GSG1L2: variants seen among roughly 807,000 people sequenced by gnomAD.
GSG1L2 encodes GSG1 like 2.
In GSG1L2, 15 loss-of-function variants were observed where a neutral mutation model predicts 9.0. The observed-to-expected ratio is 1.67, with a 90% CI of 1.12 to 2.57. The LOEUF (loss-of-function observed/expected upper bound fraction) is 2.57, where lower values mean the gene tolerates loss of function less well. Ranked by LOEUF, GSG1L2 falls within the 30% of genes most tolerant of loss-of-function variation. The pLI is 0.00. For missense variants in GSG1L2, 286 were observed against 150.3 expected (o/e 1.90, Z -4.72); for synonymous variants, 127 against 57.9 (o/e 2.19, Z -5.41).
chr17:9,807,580 T>C lies in GSG1L2; in HGVS notation c.533A>G (p.His178Arg), dbSNP rs1344067792. Residue 178 changes from histidine to arginine, a missense_variant, in exon 4 of 5, where the codon CAC becomes CGC. Transcript: ENST00000399363. ...VLAGLLGMVA[H>R]MMYTTIFQIT... ...TTGAAAAATGGTTGTGTACATCATG[T>C]GGGCCACCATGCCTAGAAGCCCTGC... 4.3e-6 allele frequency: 3 copies of C among 703,410 alleles called. No individual in the cohort carries two copies. In the South Asian group the frequency reaches 4.4e-5, roughly 10 times the overall value. 43.6% of individuals were successfully genotyped at this position (703,410 alleles called of 1,614,324 possible). A position where few individuals can be genotyped will look rare whatever the true frequency, so the allele number is the denominator to read the frequency against.
At chr17:9,816,719 C>G (rs2066565874) in intron 1 of GSG1L2, among the ~76,000 whole-genome samples, 3 of 137,268 alleles carry the variant, frequency 2.2e-5, no homozygotes, top group African/African-American at 8.4e-5. Context: ...CTGTGTGTAT[C>G]TGTGTCTGTG....
chr17:9,811,985 T>TATC (rs1284472560), intron 1 of GSG1L2, among the ~76,000 whole-genome samples: 6 of 123,540 alleles, frequency 4.9e-5, no homozygotes, highest in African/African-American at 7.0e-5. Flanking sequence ...AATAGTCACT[T>TATC]ATCACTTATC....
At chr17:9,805,334 CA>C (rs1478661764) in intron 4 of GSG1L2, 1 of 150,114 alleles carries the variant, frequency 6.7e-6, no homozygotes, top group Non-Finnish European at 1.5e-5. Flanking sequence ...CAAAGGACAT[CA>C]TCATGGCATT....
intron 4 of GSG1L2, among the ~76,000 whole-genome samples, chr17:9,806,061 A>T (rs897651099): frequency 4.1e-4 from 63 of 152,110 alleles, no homozygotes; most frequent in Middle Eastern, 3.4e-3. Flanking sequence ...AAAGCCAAAA[A>T]CTCTACCCTT....
At chr17:9,813,606 C>T (rs1418861196) in intron 1 of GSG1L2, among the ~76,000 whole-genome samples, 2 of 152,176 alleles carry the variant, frequency 1.3e-5, no homozygotes, top group Non-Finnish European at 2.9e-5. Flanking sequence ...CAAGGATGTC[C>T]CCAAAGCACT....
chr17:9,818,294 G>C (rs1488685000), intron 1 of GSG1L2, among the ~76,000 whole-genome samples: 2 of 151,988 alleles, frequency 1.3e-5, no homozygotes, highest in Non-Finnish European at 2.9e-5. Flanking sequence ...AGAGAGAAGG[G>C]GGAAGGTGGC....
intron 4 of GSG1L2, chr17:9,804,062 G>A (rs1205116674): frequency 2.0e-5 from 3 of 152,244 alleles, no homozygotes; most frequent in Non-Finnish European, 4.4e-5. Flanking sequence ...CCACTGAAAC[G>A]AGAGTAAAGG....
chr17:9,802,258 G>A lies in GSG1L2; in HGVS notation c.*128C>T, dbSNP rs1425282016. On this transcript the variant is annotated 3_prime_UTR_variant, in exon 5 of 5. Coordinates refer to ENST00000399363, the MANE Select transcript of GSG1L2 (RefSeq NM_001310219.2). ...GGTGTTTAGTAAAAGGTGAGATGTG[G>A]AGGGGTGGGGATGGAAGCTTTCCCT... 2 of 568,728 alleles carry A rather than the reference G, an allele frequency of 3.5e-6. No homozygotes were observed. The highest frequency in any genetic ancestry group is 4.9e-5 in the South Asian group (2 of 40,576). 35.2% of individuals were successfully genotyped at this position (568,728 alleles called of 1,614,324 possible). A position where few individuals can be genotyped will look rare whatever the true frequency, so the allele number is the denominator to read the frequency against.
At chr17:9,817,443 T>C (rs62066027) in intron 1 of GSG1L2, among the ~76,000 whole-genome samples, 3 of 133,002 alleles carry the variant, frequency 2.3e-5, no homozygotes, top group Non-Finnish European at 4.8e-5. Flanking sequence ...TTTTTTTTTT[T>C]CCTCGAAGTC....
chr17:9,808,866 C>A lies in GSG1L2; in HGVS notation c.475G>T (p.Val159Leu). The change falls in exon 3 of 5, where the codon GTG becomes TTG. Residue 159 changes from valine to leucine, a missense_variant. Val to Leu is a conservative substitution (Grantham distance 32). Transcript: ENST00000399363. ...CRSPGFHWLR[V>L]DALVAIFMVL... ...ATGAAGATGGCTACCAAGGCATCCA[C>A]CCTGAGCCAGTGGAACCCAGGGCTG... is the stretch of plus-strand genomic sequence containing the variant. 1 of 702,984 alleles carries A rather than the reference C, an allele frequency of 1.4e-6. No homozygotes were observed. The highest frequency in any genetic ancestry group is 2.6e-6 in the Non-Finnish European group (1 of 385,002). The allele number at this position is 702,984 out of a possible 1,614,324, so 43.5% of individuals were successfully genotyped here. A position where few individuals can be genotyped will look rare whatever the true frequency, so the allele number is the denominator to read the frequency against.
chr17:9,821,631 C>T, intron 1 of GSG1L2, 131 bp downstream of exon 1: 1 of 634,270 alleles, frequency 1.6e-6, no homozygotes, highest in Non-Finnish European at 2.9e-6. Context: ...GACAGCCTGG[C>T]TCCAGAGCCC....
At chr17:9,810,139 C>A in intron 2 of GSG1L2, 1 of 184,840 alleles carries the variant, frequency 5.4e-6, no homozygotes, top group Non-Finnish European at 1.1e-5. Flanking sequence ...TCTACTCCAG[C>A]TGGGAGAACA....
Position 9,821,748 on chromosome 17 carries a change from C to T in GSG1L2, c.310+14G>A. ...CCGCACCTGTCTTCCCCAGAATCTA[C>T]AGGCTTTGCTCACCTTCACCGTTGA... On this transcript the variant is annotated intron_variant, in intron 1 of 4. Coordinates refer to ENST00000399363, the MANE Select transcript of GSG1L2 (RefSeq NM_001310219.2). 1.4e-6 allele frequency: 1 copy of T among 701,480 alleles called. No homozygotes were observed. Among genetic ancestry groups the T allele is most frequent in the Non-Finnish European group, 2.6e-6 (1 of 383,594 alleles). The allele number at this position is 701,480 out of a possible 1,614,324, so 43.5% of individuals were successfully genotyped here. A position where few individuals can be genotyped will look rare whatever the true frequency, so the allele number is the denominator to read the frequency against.
At chr17:9,819,402 G>A (rs2066580211) in intron 1 of GSG1L2, among the ~76,000 whole-genome samples, 1 of 152,292 alleles carries the variant, frequency 6.6e-6, no homozygotes, top group Admixed American at 6.5e-5. Flanking sequence ...ATTATAACAG[G>A]AAGTTAATAG....
intron 1 of GSG1L2, among the ~76,000 whole-genome samples, chr17:9,818,991 C>T (rs2066578829): frequency 6.6e-6 from 1 of 152,200 alleles, no homozygotes; most frequent in South Asian, 2.1e-4. Context: ...AAGGAAATGA[C>T]TGTCAGTGAA....
intron 1 of GSG1L2, among the ~76,000 whole-genome samples, chr17:9,818,592 G>A (rs2066577207): frequency 7.2e-6 from 1 of 139,478 alleles, no homozygotes; most frequent in African/African-American, 2.9e-5. Context: ...CTGACCTCAG[G>A]CAATCCACCC....
At position 9,809,484 on chromosome 17, in the gene GSG1L2, C is replaced by T. The variant is rs544616235; in HGVS notation, c.359-502G>A. ...CATAGAAGGGTACCTGAGAGGGTGG[C>T]TGTGGCGGGCTGGGGTGGCCAGCTT... is the stretch of plus-strand genomic sequence containing the variant. On this transcript the variant is annotated intron_variant, in intron 2 of 4. Coordinates refer to ENST00000399363, the MANE Select transcript of GSG1L2 (RefSeq NM_001310219.2). 4 of 156,900 alleles carry T rather than the reference C, an allele frequency of 2.5e-5. No homozygotes were observed. In the South Asian group the frequency reaches 7.8e-4, roughly 30 times the overall value. The allele number at this position is 156,900 out of a possible 1,614,324, so 9.7% of individuals were successfully genotyped here. A position where few individuals can be genotyped will look rare whatever the true frequency, so the allele number is the denominator to read the frequency against.
At chr17:9,805,922 G>A (rs990306822) in intron 4 of GSG1L2, among the ~76,000 whole-genome samples, 4 of 152,110 alleles carry the variant, frequency 2.6e-5, no homozygotes, top group African/African-American at 7.2e-5. Context: ...TGATGTACAC[G>A]TCACCATGGT....
chr17:9,814,598 C>A (rs1009748490), intron 1 of GSG1L2, among the ~76,000 whole-genome samples: 7 of 152,082 alleles, frequency 4.6e-5, no homozygotes, highest in African/African-American at 1.7e-4. Flanking sequence ...CCTAGTGACC[C>A]CTTTGATGAA....
Sources: allele counts gnomAD v4.1 joint callset (sites outside exome capture counted in the v4.1 genomes callset), GRCh38; gene constraint gnomAD v4.1.1; transcripts MANE v1.5; gene names NCBI Gene and HGNC (gene_info 2026-07-23, HGNC 2026-07-21).